The following COQ5 variants were observed in gnomAD, a reference collection of about 807,000 sequenced individuals.
COQ5 encodes coenzyme Q5, methyltransferase.
In COQ5, 27 loss-of-function variants were observed where a neutral mutation model predicts 40.5. The ratio of observed to expected loss-of-function variants is 0.67; its 90% confidence interval spans 0.49 to 0.92. The LOEUF (loss-of-function observed/expected upper bound fraction) is 0.92. Among genes scored for constraint, COQ5 ranks in the 40% least tolerant of loss-of-function variants. COQ5 has a pLI of 0.00. For missense variants in COQ5, 409 were observed against 406.4 expected (o/e 1.01, Z -0.06); for synonymous variants, 141 against 150.0 (o/e 0.94, Z 0.44).
At chr12:120,527,893 A>C (rs1345292016) in intron 1 of COQ5, among the ~76,000 whole-genome samples, 4 of 146,292 alleles carry the variant, frequency 2.7e-5, no homozygotes, top group African/African-American at 7.4e-5. Flanking sequence ...AGGCTGAGGC[A>C]GGAGAATGGC....
intron 1 of COQ5, among the ~76,000 whole-genome samples, chr12:120,525,853 A>G (rs2137094785): frequency 6.6e-6 from 1 of 152,246 alleles, no homozygotes; most frequent in African/African-American, 2.4e-5. Context: ...TGAACCTGGG[A>G]GGCGGAGCTT....
At chr12:120,526,486 A>G (rs913597815) in intron 1 of COQ5, 1 of 455,640 alleles carries the variant, frequency 2.2e-6, no homozygotes, top group African/African-American at 2.0e-5. Context: ...AGCTGTGACA[A>G]AAAGGTTGAA....
At chr12:120,509,030 A>C (rs1869012803) in intron 4 of COQ5, among the ~76,000 whole-genome samples, 1 of 152,076 alleles carries the variant, frequency 6.6e-6, no homozygotes, top group Non-Finnish European at 1.5e-5. Context: ...TCTCAAAAAA[A>C]AAAAAAAAAA....
chr12:120,514,010 G>A (rs73403947), intron 3 of COQ5, among the ~76,000 whole-genome samples: 24,907 of 152,024 alleles, frequency 0.16, 2,622 homozygotes, highest in African/African-American at 0.3. Context: ...AGAGCTCGAC[G>A]GGCAGGCTAT....
At chr12:120,524,813 CT>C (rs60750755) in intron 1 of COQ5, among the ~76,000 whole-genome samples, 5,767 of 146,200 alleles carry the variant, frequency 0.039, 353 homozygotes, top group African/African-American at 0.14. Flanking sequence ...GCGCTCTTTC[CT>C]TTTTTTTTTT....
intron 3 of COQ5, among the ~76,000 whole-genome samples, chr12:120,513,007 C>T (rs1384084794): frequency 6.6e-6 from 1 of 150,700 alleles, no homozygotes; most frequent in Non-Finnish European, 1.5e-5. Flanking sequence ...GCCATGTTGG[C>T]CAGGCTATTC....
rs1158015808 is a variant in COQ5 at position 120,504,432 on chromosome 12, T to TTA, written c.771-352_771-351insTA. 1.4e-4 allele frequency: 36 copies of TTA among 262,666 alleles called. No individual in the cohort carries two copies. The Middle Eastern group carries it at 4.3e-3, about 31-fold the overall frequency. 16.3% of individuals were successfully genotyped at this position (262,666 alleles called of 1,614,324 possible). On this transcript the variant is annotated intron_variant, in intron 5 of 6. Transcript: ENST00000288532. ...AATTTTTTTTTTTTTTTTTTTTTTT[T>TTA]AGAGATAGGGTCTCACGGTTGCCCA...
Position 120,525,938 on chromosome 12 carries a change from AT to A in COQ5, c.202+3001del, listed in dbSNP as rs1869920694. On this transcript the variant is annotated intron_variant, in intron 1 of 6. Coordinates refer to ENST00000288532, the MANE Select transcript of COQ5 (RefSeq NM_032314.4). Reference sequence around the variant, plus strand: ...AGACTCCATCTCCAAAAAAATAAATATAAATAAATAAATAAATAAGCAAATA... The same window carrying A: ...AGACTCCATCTCCAAAAAAATAAATAAAATAAATAAATAAATAAGCAAATA... Among the ~76,000 whole-genome samples the A allele has an allele frequency of 0.013, 6 of 452 alleles. No homozygotes were observed. In the Admixed American group the frequency reaches 0.17, roughly 13 times the overall value. 0.3% of individuals were successfully genotyped at this position (452 alleles called of 152,430 possible). A position where few individuals can be genotyped will look rare whatever the true frequency, so the allele number is the denominator to read the frequency against.
intron 4 of COQ5, among the ~76,000 whole-genome samples, chr12:120,507,924 G>A (rs551519305): frequency 6.6e-6 from 1 of 151,546 alleles, no homozygotes; most frequent in East Asian, 2.0e-4. Flanking sequence ...AAAATAAAAA[G>A]AGCCAGTGCT....
chr12:120,510,122 T>C lies in COQ5; in HGVS notation c.576A>G (p.Gly192=), dbSNP rs149646698. ...QKALAQGYRA[G]LAWVLGDAEE... ...CAGCATCTCCTAATACCCATGCAAG[T>C]CCTGAAAGAGAAAGTGAGTTCCGGG... is the stretch of plus-strand genomic sequence containing the variant. The change falls in exon 4 of 7, where the codon GGA becomes GGG. Residue 192 remains glycine, a splice_region_variant and synonymous_variant. Transcript: ENST00000288532. 1.9e-6 allele frequency: 3 copies of C among 1,612,188 alleles called. No individual in the cohort carries two copies. The African/African-American group carries it at 4.0e-5, about 22-fold the overall frequency.
intron 3 of COQ5, among the ~76,000 whole-genome samples, chr12:120,514,120 G>GT (rs1386204229): frequency 2.0e-5 from 3 of 152,132 alleles, no homozygotes; most frequent in Non-Finnish European, 2.9e-5. Flanking sequence ...AGGGAAACAT[G>GT]TTTGTCAGTA....
chr12:120,503,676 G>A lies in COQ5; in HGVS notation c.*108C>T, dbSNP rs1211244418. The A allele has an allele frequency of 6.2e-6, 5 of 800,534 alleles. No individual in the cohort carries two copies. The highest frequency in any genetic ancestry group is 1.9e-5 in the Admixed American group (1 of 51,692). 49.6% of individuals were successfully genotyped at this position (800,534 alleles called of 1,614,324 possible). A position where few individuals can be genotyped will look rare whatever the true frequency, so the allele number is the denominator to read the frequency against. On this transcript the variant is annotated 3_prime_UTR_variant, in exon 7 of 7. Coordinates refer to ENST00000288532, the MANE Select transcript of COQ5 (RefSeq NM_032314.4). ...CGATTCAAACATGAGTCCAAGGCAC[G>A]TATCCTTAAGAGGAGATGCTCTGCT...
intron 1 of COQ5, among the ~76,000 whole-genome samples, chr12:120,524,679 T>C (rs960542292): frequency 6.6e-6 from 1 of 152,236 alleles, no homozygotes; most frequent in African/African-American, 2.4e-5. Flanking sequence ...GGAGATGCTT[T>C]GAGTTCCTCA....
At chr12:120,527,859 C>T (rs1246899170) in intron 1 of COQ5, among the ~76,000 whole-genome samples, 1 of 151,404 alleles carries the variant, frequency 6.6e-6, no homozygotes, top group Admixed American at 6.6e-5. Flanking sequence ...TGGTGGCGGG[C>T]CCCTGTAGTC....
rs752427604 is a variant in COQ5 at position 120,522,303 on chromosome 12, A to AG, written c.262dup (p.Leu88ProfsTer25). On this transcript the variant is annotated frameshift_variant, in exon 2 of 7. Coordinates refer to ENST00000288532, the MANE Select transcript of COQ5 (RefSeq NM_032314.4). LOFTEE classifies it high-confidence loss of function. ...ATCCTTCCAAACACGATGGATACCA[A>AG]GACTCATCATATCATTCATCACATC... 6.2e-7 allele frequency: 1 copy of AG among 1,613,712 alleles called. No individual in the cohort carries two copies. The highest frequency in any genetic ancestry group is 8.5e-7 in the Non-Finnish European group (1 of 1,179,728).
At chr12:120,515,943 A>G (rs549981481) in intron 3 of COQ5, among the ~76,000 whole-genome samples, 1 of 152,264 alleles carries the variant, frequency 6.6e-6, no homozygotes, top group East Asian at 1.9e-4. Flanking sequence ...GTTTCTTTAG[A>G]GACAGGGTCT....
chr12:120,516,156 G>A (rs1406428127), intron 3 of COQ5, among the ~76,000 whole-genome samples: 1 of 152,174 alleles, frequency 6.6e-6, no homozygotes, highest in East Asian at 1.9e-4. Context: ...AGTATGGACA[G>A]GAGAATGGAA....
chr12:120,521,183 C>T (rs547151712), intron 2 of COQ5, among the ~76,000 whole-genome samples: 1 of 151,404 alleles, frequency 6.6e-6, no homozygotes, highest in Non-Finnish European at 1.5e-5. Flanking sequence ...TCTCCTGCCT[C>T]AGCCTCCCAA....
intron 5 of COQ5, chr12:120,504,575 G>C: frequency 3.3e-6 from 1 of 299,786 alleles, no homozygotes; most frequent in Non-Finnish European, 6.3e-6. Context: ...TTTTTTTTAA[G>C]CCAGTCAAAT....
Sources: allele counts gnomAD v4.1 joint callset (sites outside exome capture counted in the v4.1 genomes callset), GRCh38; gene constraint gnomAD v4.1.1; transcripts MANE v1.5; gene names NCBI Gene and HGNC (gene_info 2026-07-23, HGNC 2026-07-21).